CAMKMT: variants seen among roughly 807,000 people sequenced by gnomAD.
CAMKMT encodes CaM KMT.
In CAMKMT, 53 loss-of-function variants were observed where a neutral mutation model predicts 48.0. That is an observed-to-expected ratio of 1.10 (90% CI 0.89 to 1.39). The LOEUF (loss-of-function observed/expected upper bound fraction) is 1.39. CAMKMT is among the 40% of genes most tolerant of loss of function. The pLI, the probability that CAMKMT is intolerant of heterozygous loss-of-function variation, is 0.00. For missense variants in CAMKMT, 428 were observed against 402.7 expected, an observed-to-expected ratio of 1.06 and a Z score of -0.54; for synonymous variants, 165 against 152.3, an observed-to-expected ratio of 1.08 and a Z score of -0.61.
chr2:44,397,568 CG>C (rs1256748581), intron 3 of CAMKMT, among the ~76,000 whole-genome samples: 1 of 152,122 alleles, frequency 6.6e-6, no homozygotes, highest in African/African-American at 2.4e-5. Flanking sequence ...GTTGTCAGGA[CG>C]GTTTTTTCTT....
chr2:44,599,823 G>GT lies in CAMKMT; in HGVS notation c.377-104457dup, dbSNP rs1435433479. 5.7e-5 allele frequency among the ~76,000 whole-genome samples: 5 copies of GT among 87,616 alleles called. No individual in the cohort carries two copies. The South Asian group carries it at 1.1e-3, about 19-fold the overall frequency. The allele number at this position is 87,616 out of a possible 152,430, so 57.5% of individuals were successfully genotyped here. ...ACAGTGGAGTTGACACCTTGGCAAGGTTTAAAAAAAAAAAAAAAGTGTATG... is the reference window on the plus strand; with the variant it reads ...ACAGTGGAGTTGACACCTTGGCAAGGTTTTAAAAAAAAAAAAAAAGTGTATG... On this transcript the variant is annotated intron_variant, in intron 3 of 10. Coordinates refer to ENST00000378494, the MANE Select transcript of CAMKMT (RefSeq NM_024766.5).
At chr2:44,525,376 C>G (rs1671351613) in intron 3 of CAMKMT, among the ~76,000 whole-genome samples, 1 of 152,070 alleles carries the variant, frequency 6.6e-6, no homozygotes, top group Non-Finnish European at 1.5e-5. Flanking sequence ...CTGCCTCAGC[C>G]TCCGAGTAGC....
chr2:44,463,082 G>A (rs1667930954), intron 3 of CAMKMT, among the ~76,000 whole-genome samples: 1 of 152,202 alleles, frequency 6.6e-6, no homozygotes, highest in South Asian at 2.1e-4. Flanking sequence ...CAATCTTATT[G>A]TAGTATTGTA....
intron 3 of CAMKMT, among the ~76,000 whole-genome samples, chr2:44,620,641 C>A (rs7593464): frequency 0.12 from 18,634 of 152,258 alleles, 1,311 homozygotes; most frequent in Admixed American, 0.22. Context: ...TCATAGATGA[C>A]TTGAACATCT....
chr2:44,503,878 T>A (rs1558661524), intron 3 of CAMKMT, among the ~76,000 whole-genome samples: 1 of 152,020 alleles, frequency 6.6e-6, no homozygotes. Context: ...TGGCTTGTCC[T>A]AGAAGGGCTG....
At chr2:44,703,770 C>G (rs1055919579) in intron 3 of CAMKMT, among the ~76,000 whole-genome samples, 3 of 92,928 alleles carry the variant, frequency 3.2e-5, no homozygotes, top group Non-Finnish European at 6.1e-5. Flanking sequence ...GAGCAAGACT[C>G]TAAAAAAAAA....
At chr2:44,722,649 A>G (rs1039441808) in intron 7 of CAMKMT, among the ~76,000 whole-genome samples, 1 of 152,212 alleles carries the variant, frequency 6.6e-6, no homozygotes, top group African/African-American at 2.4e-5. Context: ...ACTTGAAAGT[A>G]TGTAAGTTTG....
In CAMKMT at chr2:44,657,343, C is replaced by G. The variant is rs1378867703; in HGVS notation, c.377-46940C>G. Among the ~76,000 whole-genome samples, 1 of 152,166 alleles carries G rather than the reference C, an allele frequency of 6.6e-6. No individual in the cohort carries two copies. Among genetic ancestry groups the G allele is most frequent in the Non-Finnish European group, 1.5e-5 (1 of 68,032 alleles). On this transcript the variant is annotated intron_variant, in intron 3 of 10. Transcript: ENST00000378494. This position sits in a 1 kb window ranked among gnomAD's most constrained non-coding sequence, Gnocchi z 4.3. ...TTACATATAACATATCAATGTCTAA[C>G]CTGACTCATTTGGAGAGGGCTTTAA...
chr2:44,410,836 A>G (rs894853331), intron 3 of CAMKMT, among the ~76,000 whole-genome samples: 3 of 152,214 alleles, frequency 2.0e-5, no homozygotes, highest in Admixed American at 6.5e-5. Flanking sequence ...AATTCTGTTT[A>G]AGGATTGGTG....
chr2:44,679,285 C>G (rs1316034377), intron 3 of CAMKMT, among the ~76,000 whole-genome samples: 1 of 152,164 alleles, frequency 6.6e-6, no homozygotes, highest in African/African-American at 2.4e-5. Flanking sequence ...AAATGTGGCT[C>G]AAAACTTGAC....
rs373413830 is a variant in CAMKMT at position 44,754,850 on chromosome 2, T to TAA, written c.762+744_762+745dup. 2.3e-3 allele frequency among the ~76,000 whole-genome samples: 337 copies of TAA among 143,516 alleles called. 1 individual carries two copies. The highest frequency in any genetic ancestry group is 0.011 in the Middle Eastern group (3 of 284). The allele number at this position is 143,516 out of a possible 152,430, so 94.2% of individuals were successfully genotyped here. A position where few individuals can be genotyped will look rare whatever the true frequency, so the allele number is the denominator to read the frequency against. ...GAAAATGAGTTTAAAGCTCATGCAT[T>TAA]AAAAAAAAAAAAACCTTATAACTAT... On this transcript the variant is annotated intron_variant, in intron 9 of 10. Coordinates refer to ENST00000378494, the MANE Select transcript of CAMKMT (RefSeq NM_024766.5).
intron 3 of CAMKMT, among the ~76,000 whole-genome samples, chr2:44,511,445 C>T (rs540408098): frequency 3.5e-4 from 53 of 152,216 alleles, no homozygotes; most frequent in Middle Eastern, 3.4e-3. Flanking sequence ...TGCACTAACA[C>T]GCCTGGCTAA....
chr2:44,692,713 T>C (rs138794359), intron 3 of CAMKMT, among the ~76,000 whole-genome samples: 248 of 152,360 alleles, frequency 1.6e-3, no homozygotes, highest in African/African-American at 5.7e-3. Context: ...AGATGAGAGC[T>C]GGCTTTCTGC....
At chr2:44,562,583 C>T (rs909968543) in intron 3 of CAMKMT, among the ~76,000 whole-genome samples, 1 of 151,970 alleles carries the variant, frequency 6.6e-6, no homozygotes, top group Non-Finnish European at 1.5e-5. Flanking sequence ...TTTTTTGAGA[C>T]AGAATCTCAC....
chr2:44,578,648 A>AATTGGGTAATGGGATGTGGT (rs1184299321), intron 3 of CAMKMT, among the ~76,000 whole-genome samples: 1 of 152,182 alleles, frequency 6.6e-6, no homozygotes, highest in Non-Finnish European at 1.5e-5. Context: ...CTACAAGGCA[A>AATTGGGTAATGGGATGTGGT]ATTGGGTAAT....
chr2:44,608,070 CTTTTTT>C (rs10587945), intron 3 of CAMKMT, among the ~76,000 whole-genome samples: 1 of 111,938 alleles, frequency 8.9e-6, no homozygotes, highest in Non-Finnish European at 1.8e-5. Context: ...ATATATTTTC[CTTTTTT>C]TTTTTTTTTT....
At chr2:44,717,718 C>T (rs1678244807) in intron 7 of CAMKMT, among the ~76,000 whole-genome samples, 1 of 151,946 alleles carries the variant, frequency 6.6e-6, no homozygotes, top group African/African-American at 2.4e-5. Flanking sequence ...TATTAAATAG[C>T]ACTTCAAAGC....
intron 8 of CAMKMT, among the ~76,000 whole-genome samples, chr2:44,748,879 A>G (rs561389345): frequency 6.6e-6 from 1 of 152,208 alleles, no homozygotes; most frequent in Non-Finnish European, 1.5e-5. Flanking sequence ...AGAGTCCTGA[A>G]GAGCGAATAT....
At chr2:44,482,911 C>A (rs1669042937) in intron 3 of CAMKMT, among the ~76,000 whole-genome samples, 1 of 152,094 alleles carries the variant, frequency 6.6e-6, no homozygotes, top group African/African-American at 2.4e-5. Flanking sequence ...CAAAAGAGGA[C>A]TTCTGAGCCA....
Sources: allele counts gnomAD v4.1 joint callset (sites outside exome capture counted in the v4.1 genomes callset), GRCh38; gene constraint gnomAD v4.1.1; non-coding constraint Gnocchi (gnomAD v3.1); transcripts MANE v1.5; gene names NCBI Gene and HGNC (gene_info 2026-07-23, HGNC 2026-07-21).